Variants in FNDC3A observed in about 807,000 individuals in gnomAD.
The protein encoded by FNDC3A is fibronectin type III domain containing 3A.
In FNDC3A, 32 loss-of-function variants were observed where a neutral mutation model predicts 148.9. That is an observed-to-expected ratio of 0.21 (90% CI 0.16 to 0.29). FNDC3A has a LOEUF of 0.29. Among genes scored for constraint, FNDC3A ranks in the 10% least tolerant of loss-of-function variants. The pLI is 1.00. For synonymous variants in FNDC3A, 472 were observed against 473.6 expected, an observed-to-expected ratio of 1.00 and a Z score of 0.04; for missense variants, 1,191 against 1,452.8, an observed-to-expected ratio of 0.82 and a Z score of 2.93.
At chr13:49,091,660 G>A (rs1879199352) in intron 3 of FNDC3A, among the ~76,000 whole-genome samples, 1 of 152,194 alleles carries the variant, frequency 6.6e-6, no homozygotes. Flanking sequence ...ATCCATTTGT[G>A]AACCAGGCCC....
chr13:49,135,449 T>C (rs1307801647), intron 5 of FNDC3A, among the ~76,000 whole-genome samples: 2 of 152,192 alleles, frequency 1.3e-5, no homozygotes, highest in African/African-American at 4.8e-5. Flanking sequence ...AGACGTGTTT[T>C]CTTCTAAGAG....
At chr13:49,031,476 C>G (rs9526520) in intron 2 of FNDC3A, among the ~76,000 whole-genome samples, 88,011 of 151,914 alleles carry the variant, frequency 0.58, 27,144 homozygotes, top group Non-Finnish European at 0.68. Context: ...CTGAAATAAA[C>G]TCTTTACATT....
At chr13:49,003,084 G>A (rs543645488) in intron 1 of FNDC3A, among the ~76,000 whole-genome samples, 7 of 150,050 alleles carry the variant, frequency 4.7e-5, no homozygotes, top group Non-Finnish European at 7.4e-5. Context: ...TTTTATTTTC[G>A]AGACAGAGTC....
At chr13:49,053,369 C>T (rs924343150) in intron 2 of FNDC3A, among the ~76,000 whole-genome samples, 4 of 152,284 alleles carry the variant, frequency 2.6e-5, no homozygotes, top group Admixed American at 2.6e-4. Context: ...CATGTTAATC[C>T]TGAAACAGGT....
intron 13 of FNDC3A, 40 bp downstream of exon 13, chr13:49,175,581 A>G: frequency 7.2e-7 from 1 of 1,396,488 alleles, no homozygotes; most frequent in East Asian, 2.5e-5. Context: ...TATTTAAAAC[A>G]TTTTCAGCTT....
At chr13:49,169,376 G>A (rs1884640389) in intron 10 of FNDC3A, among the ~76,000 whole-genome samples, 2 of 152,162 alleles carry the variant, frequency 1.3e-5, no homozygotes, top group Non-Finnish European at 2.9e-5. Flanking sequence ...GGAAAACTTG[G>A]TGTCTGTTAA....
At chr13:49,027,406 G>A (rs569887865) in intron 2 of FNDC3A, among the ~76,000 whole-genome samples, 2 of 152,162 alleles carry the variant, frequency 1.3e-5, no homozygotes, top group South Asian at 2.1e-4. Context: ...GAGTAGATAC[G>A]AAGAAATAAA....
intron 7 of FNDC3A, among the ~76,000 whole-genome samples, chr13:49,145,482 A>G (rs1468299743): frequency 1.3e-5 from 2 of 152,162 alleles, no homozygotes; most frequent in Non-Finnish European, 2.9e-5. Flanking sequence ...GAGGAAATGA[A>G]CCCTTTCAAA....
rs190013287 is a variant in FNDC3A, at chr13:49,096,332, A to G, written c.176-18323A>G. On this transcript the variant is annotated intron_variant, in intron 3 of 25. Coordinates refer to ENST00000492622, the MANE Select transcript of FNDC3A (RefSeq NM_001079673.2). Reference sequence around the variant, plus strand: ...ATTGGATTCTCTGATCCCAAAACCCATGTGATACCATTGTTTGAAGATGTT... The same window carrying G: ...ATTGGATTCTCTGATCCCAAAACCCGTGTGATACCATTGTTTGAAGATGTT... 1.2e-3 allele frequency among the ~76,000 whole-genome samples: 185 copies of G among 152,244 alleles called. 2 individuals are homozygous for G. Among genetic ancestry groups the G allele is most frequent in the Middle Eastern group, 6.8e-3 (2 of 294 alleles).
chr13:49,119,416 A>G (rs907057480), intron 4 of FNDC3A, among the ~76,000 whole-genome samples: 6 of 152,086 alleles, frequency 3.9e-5, no homozygotes, highest in Non-Finnish European at 8.8e-5. Context: ...AAAAGGCTGA[A>G]AATTCCAAAA....
chr13:49,186,897 A>G (rs1234844125), intron 15 of FNDC3A, among the ~76,000 whole-genome samples: 1 of 152,144 alleles, frequency 6.6e-6, no homozygotes, highest in Admixed American at 6.5e-5. Flanking sequence ...AGTAAATGGA[A>G]TATCATGCAG....
chr13:49,134,977 TCG>T (rs1196093986), intron 5 of FNDC3A, among the ~76,000 whole-genome samples: 1 of 149,562 alleles, frequency 6.7e-6, no homozygotes, highest in Admixed American at 6.7e-5. Context: ...TGCCTCAGCC[TCG>T]CGAATAGCTG....
rs543954910 is a variant in FNDC3A at position 49,061,150 on chromosome 13, C to T, written c.100-14139C>T. 5.3e-5 allele frequency among the ~76,000 whole-genome samples: 8 copies of T among 151,894 alleles called. No homozygotes were observed. The East Asian group carries it at 1.6e-3, about 30-fold the overall frequency. ...TTAGAGATGAGATCTCACTCTGTCA[C>T]TCAGGCTGGAGTGCAGTGGCGTGAT... is the stretch of plus-strand genomic sequence containing the variant. On this transcript the variant is annotated intron_variant, in intron 2 of 25. Coordinates refer to ENST00000492622, the MANE Select transcript of FNDC3A (RefSeq NM_001079673.2).
At chr13:49,020,778 A>T (rs1873266230) in intron 2 of FNDC3A, among the ~76,000 whole-genome samples, 1 of 152,242 alleles carries the variant, frequency 6.6e-6, no homozygotes, top group Non-Finnish European at 1.5e-5. Flanking sequence ...AAGTAGCTTT[A>T]ATATTTCCAT....
At chr13:49,027,090 A>T (rs1873770612) in intron 2 of FNDC3A, among the ~76,000 whole-genome samples, 1 of 152,068 alleles carries the variant, frequency 6.6e-6, no homozygotes, top group Admixed American at 6.5e-5. Context: ...ACAGAAAAAA[A>T]CAGTCCAATT....
chr13:49,119,965 A>T (rs1171673019), intron 4 of FNDC3A, among the ~76,000 whole-genome samples: 1 of 152,186 alleles, frequency 6.6e-6, no homozygotes. Flanking sequence ...ACAGGCCAAC[A>T]TTCAAATTCA....
At chr13:49,127,023 G>T (rs2137913160) in intron 4 of FNDC3A, among the ~76,000 whole-genome samples, 1 of 152,310 alleles carries the variant, frequency 6.6e-6, no homozygotes, top group South Asian at 2.1e-4. Flanking sequence ...TTCCACCAGT[G>T]TTTGCACATC....
chr13:49,045,601 A>G, intron 2 of FNDC3A: 1 of 498,580 alleles, frequency 2.0e-6, no homozygotes, highest in East Asian at 3.6e-5. Flanking sequence ...TTAAATGAGA[A>G]GGCAACAAAG....
At chr13:49,001,384 T>A (rs933338237) in intron 1 of FNDC3A, among the ~76,000 whole-genome samples, 1 of 152,130 alleles carries the variant, frequency 6.6e-6, no homozygotes, top group Non-Finnish European at 1.5e-5. Context: ...ACAAATTGTT[T>A]GTAGAGCATG....
Sources: gnomAD v4.1 joint callset for allele counts (sites outside exome capture counted in the v4.1 genomes callset) on GRCh38, gnomAD v4.1.1 for gene constraint, MANE v1.5 for transcripts, NCBI Gene and HGNC (gene_info 2026-07-23, HGNC 2026-07-21) for gene names.